Variants in PCNX2 observed in about 807,000 individuals in gnomAD.
The protein encoded by PCNX2 is pecanex 2.
Under a neutral mutation model 223.8 loss-of-function variants are expected in PCNX2, and 168 were observed. The observed-to-expected ratio is 0.75, with a 90% CI of 0.66 to 0.85. The LOEUF (loss-of-function observed/expected upper bound fraction) is 0.85, where lower values mean the gene tolerates loss of function less well. PCNX2 is among the 40% of genes least tolerant of loss of function. PCNX2 has a pLI of 0.00. For missense variants in PCNX2, 2,507 were observed against 2,675.5 expected (o/e 0.94, Z 1.39); for synonymous variants, 1,006 against 1,052.6 (o/e 0.96, Z 0.86).
intron 21 of PCNX2, among the ~76,000 whole-genome samples, chr1:233,130,850 CCTCAGGGGGAGTGGGG>C (rs1313507924): frequency 1.3e-5 from 2 of 151,466 alleles, no homozygotes; most frequent in Non-Finnish European, 2.9e-5. Flanking sequence ...ATCCTCCAGA[CCTCAGGGGGAGTGGGG>C]GATTTGGGGG....
chr1:233,089,622 C>A (rs1204973063), intron 23 of PCNX2, among the ~76,000 whole-genome samples: 1 of 152,174 alleles, frequency 6.6e-6, no homozygotes, highest in Non-Finnish European at 1.5e-5. Flanking sequence ...TTGGTGGTCT[C>A]TTTTCCATAG....
chr1:232,998,042 G>A (rs1187315858), intron 32 of PCNX2, among the ~76,000 whole-genome samples: 1 of 152,222 alleles, frequency 6.6e-6, no homozygotes, highest in African/African-American at 2.4e-5. Context: ...CAAGGTCATG[G>A]ACAGATGGAT....
At chr1:233,190,421 T>C (rs774689729) in intron 15 of PCNX2, among the ~76,000 whole-genome samples, 2 of 152,166 alleles carry the variant, frequency 1.3e-5, no homozygotes, top group African/African-American at 2.4e-5. Flanking sequence ...CATCTTCAAG[T>C]GGAGAGTCAG....
At chr1:233,156,024 G>T (rs1678099697) in intron 19 of PCNX2, among the ~76,000 whole-genome samples, 1 of 152,154 alleles carries the variant, frequency 6.6e-6, no homozygotes, top group Admixed American at 6.5e-5. Flanking sequence ...ATATAACTCA[G>T]TTGTGTCCCC....
intron 17 of PCNX2, among the ~76,000 whole-genome samples, chr1:233,167,079 C>T (rs1169278606): frequency 6.6e-6 from 1 of 152,182 alleles, no homozygotes; most frequent in Admixed American, 6.5e-5. Flanking sequence ...GCCATAAAGA[C>T]ATTTGTGCTA....
Position 233,135,092 on chromosome 1 carries a change from A to G in PCNX2, c.3758T>C (p.Ile1253Thr). 6 of 1,613,068 alleles carry G rather than the reference A, an allele frequency of 3.7e-6. No individual in the cohort carries two copies. The highest frequency in any genetic ancestry group is 5.1e-6 in the Non-Finnish European group (6 of 1,178,996). The part of the protein sequence containing the change: ...YQFINLSFTV[I>T]FFHFDYKDIS... ...ATCTTTGTAGTCAAAGTGGAAAAAGATGACAGTGAAGCTCAAGTTAATAAA... is the reference window on the plus strand; with the variant it reads ...ATCTTTGTAGTCAAAGTGGAAAAAGGTGACAGTGAAGCTCAAGTTAATAAA... The change falls in exon 21 of 34, where the codon ATC (isoleucine) becomes ACC (threonine). Residue 1253 changes from isoleucine (I) to threonine (T), a missense_variant. Physicochemically the swap from Ile to Thr is moderately conservative, Grantham distance 89. This residue lies in a region of PCNX2 where 1,372 missense variants were observed against 1,509.4 expected (regional missense o/e 0.91). Coordinates refer to ENST00000258229, the MANE Select transcript of PCNX2 (RefSeq NM_014801.4).
chr1:233,091,531 C>T (rs1175328871), intron 22 of PCNX2, among the ~76,000 whole-genome samples: 2 of 151,990 alleles, frequency 1.3e-5, no homozygotes, highest in Non-Finnish European at 2.9e-5. Context: ...GAGTCTTGTG[C>T]TGTCCACACT....
Position 233,158,856 on chromosome 1 carries a change from G to C in PCNX2, c.3517+1427C>G, listed in dbSNP as rs545106669. ...GAAATATAACCTGAAGGCTGCAGAA[G>C]TTCTATAGAAACTGGTCTTTTTCAT... On this transcript the variant is annotated intron_variant, in intron 19 of 33. Coordinates refer to ENST00000258229, the MANE Select transcript of PCNX2 (RefSeq NM_014801.4). 5.0e-4 allele frequency among the ~76,000 whole-genome samples: 76 copies of C among 152,284 alleles called. No individual in the cohort carries two copies. The South Asian group carries it at 8.5e-3, about 17-fold the overall frequency.
intron 1 of PCNX2, among the ~76,000 whole-genome samples, chr1:233,287,863 G>A (rs1006675892): frequency 5.3e-5 from 8 of 152,132 alleles, no homozygotes; most frequent in Non-Finnish European, 8.8e-5. Flanking sequence ...TAATGATGGT[G>A]CCTCACTGGG....
At chr1:233,188,446 AC>A (rs1311052537) in intron 15 of PCNX2, among the ~76,000 whole-genome samples, 9 of 152,054 alleles carry the variant, frequency 5.9e-5, no homozygotes, top group Admixed American at 1.3e-4. Flanking sequence ...TGCCCTCTGG[AC>A]CCCCTTTTAA....
chr1:233,177,761 G>A (rs1307804142), intron 17 of PCNX2, 41 bp downstream of exon 17: 2 of 1,517,068 alleles, frequency 1.3e-6, no homozygotes, highest in East Asian at 2.3e-5. Flanking sequence ...GCTGAAAGAT[G>A]AGGCCCTCCT....
intron 19 of PCNX2, among the ~76,000 whole-genome samples, chr1:233,156,913 G>A (rs1678168803): frequency 1.3e-5 from 2 of 151,806 alleles, no homozygotes; most frequent in South Asian, 4.1e-4. Context: ...GTGAGATTCA[G>A]TCTCAAAACA....
intron 32 of PCNX2, among the ~76,000 whole-genome samples, chr1:232,996,296 CAA>C (rs1669873543): frequency 6.6e-6 from 1 of 152,326 alleles, no homozygotes; most frequent in East Asian, 1.9e-4. Flanking sequence ...CCAGTCCACA[CAA>C]GTCACCTGGA....
rs572358002 is a variant in PCNX2 at position 233,286,065 on chromosome 1, C to T, written c.153+9261G>A. On this transcript the variant is annotated intron_variant, in intron 1 of 33. Coordinates refer to ENST00000258229, the MANE Select transcript of PCNX2 (RefSeq NM_014801.4). ...AATGCAAATTTCTGGGACAAAAAAA[C>T]ATTTCTAGATAGATTATGAGGATGA... Among the ~76,000 whole-genome samples, 10 of 152,272 alleles carry T rather than the reference C, an allele frequency of 6.6e-5. No homozygotes were observed. In the South Asian group the frequency reaches 2.1e-3, roughly 32 times the overall value.
chr1:232,990,445 C>T lies in PCNX2; in HGVS notation c.5792-3905G>A, dbSNP rs1669656634. ...TTGGGGCACCAAGGTCATGATGGTA[C>T]ATTTCAGGAGAGCCAACAAGATCGG... On this transcript the variant is annotated intron_variant, in intron 32 of 33. Transcript: ENST00000258229. This position sits in a 1 kb window ranked among gnomAD's most constrained non-coding sequence, Gnocchi z 4.3. Among the ~76,000 whole-genome samples the T allele has an allele frequency of 6.6e-6, 1 of 152,192 alleles. No homozygotes were observed. Among genetic ancestry groups the T allele is most frequent in the South Asian group, 2.1e-4 (1 of 4,828 alleles).
At chr1:233,143,326 A>G (rs1039602890) in intron 19 of PCNX2, among the ~76,000 whole-genome samples, 7 of 152,258 alleles carry the variant, frequency 4.6e-5, no homozygotes, top group Non-Finnish European at 7.3e-5. Context: ...ATTCTCAAAC[A>G]TCAACATGCA....
rs374914475 is a variant in PCNX2, at chr1:232,984,135, T to TCC, written c.*168_*169insGG. On this transcript the variant is annotated 3_prime_UTR_variant, in exon 34 of 34. Coordinates refer to ENST00000258229, the MANE Select transcript of PCNX2 (RefSeq NM_014801.4). ...TTTTTTTTTTTTTTTTTTTTTTTTT[T>TCC]CAAAAACCTGAGATCAGTTCTGTGT... 547 of 120,370 alleles carry TCC rather than the reference T, an allele frequency of 4.5e-3. 7 individuals are homozygous for TCC. The highest frequency in any genetic ancestry group is 0.019 in the African/African-American group (525 of 27,918). 7.5% of individuals were successfully genotyped at this position (120,370 alleles called of 1,614,324 possible).
At chr1:233,266,607 G>A (rs1660343843) in intron 1 of PCNX2, among the ~76,000 whole-genome samples, 1 of 152,164 alleles carries the variant, frequency 6.6e-6, no homozygotes, top group African/African-American at 2.4e-5. Context: ...GAAGGCTTAG[G>A]AAGGGATTCG....
rs748784529 is a variant in PCNX2, at chr1:233,025,175, G to A, written c.4576C>T (p.Arg1526Ter). ...ATGTAGTAGCGGATGAGGATCCTTC[G>A]GAGGTCAAACACCTGCAGCATGGTG... Reference protein sequence around the residue: ...AATMLQVFDLRRILIRYYIKS... With the variant: ...AATMLQVFDL Residue 1526 changes from arginine (R) to a stop codon, truncating the protein, a stop_gained, in exon 26 of 34, where the codon CGA (arginine) becomes TGA (stop). Transcript: ENST00000258229. LOFTEE classifies it high-confidence loss of function. The A allele has an allele frequency of 5.6e-6, 9 of 1,613,824 alleles. No individual in the cohort carries two copies. The highest frequency in any genetic ancestry group is 1.1e-5 in the South Asian group (1 of 91,084).
Sources: gnomAD v4.1 joint callset for allele counts (sites outside exome capture counted in the v4.1 genomes callset) on GRCh38, gnomAD v4.1.1 for gene constraint, gnomAD v4.1.1 regional missense constraint, Gnocchi (gnomAD v3.1) non-coding constraint, MANE v1.5 for transcripts, NCBI Gene and HGNC (gene_info 2026-07-23, HGNC 2026-07-21) for gene names.